CSRNP3: variants seen among roughly 807,000 people sequenced by gnomAD.
CSRNP3 encodes cysteine and serine rich nuclear protein 3, also known as cysteine/serine-rich nuclear protein 3.
Under a neutral mutation model 48.0 loss-of-function variants are expected in CSRNP3, and 12 were observed. The ratio of observed to expected loss-of-function variants is 0.25; its 90% CI spans 0.16 to 0.41. The LOEUF (loss-of-function observed/expected upper bound fraction) is 0.41. CSRNP3 is among the 10% of genes least tolerant of loss of function. CSRNP3 has a pLI of 1.00. For missense variants in CSRNP3, 580 were observed against 724.4 expected (o/e 0.80, Z 2.29); for synonymous variants, 263 against 269.7 (o/e 0.98, Z 0.24).
intron 4 of CSRNP3, among the ~76,000 whole-genome samples, chr2:165,655,988 A>G (rs73031635): frequency 0.039 from 5,909 of 152,310 alleles, 336 homozygotes; most frequent in African/African-American, 0.12. Flanking sequence ...GGACTTTAGC[A>G]TATTTGGTGG....
intron 3 of CSRNP3, among the ~76,000 whole-genome samples, chr2:165,560,250 G>T (rs1248313462): frequency 1.3e-5 from 2 of 152,112 alleles, no homozygotes; most frequent in African/African-American, 4.8e-5. Context: ...TCCTAAAAAT[G>T]TTTATTGAAT....
At chr2:165,578,595 G>A (rs1685490723) in intron 3 of CSRNP3, among the ~76,000 whole-genome samples, 1 of 151,906 alleles carries the variant, frequency 6.6e-6, no homozygotes, top group Non-Finnish European at 1.5e-5. Flanking sequence ...TATCATTCTG[G>A]TCCTCTTTTG....
intron 3 of CSRNP3, among the ~76,000 whole-genome samples, chr2:165,520,817 A>ATATATG: frequency 1.9e-5 from 1 of 52,206 alleles, no homozygotes; most frequent in Admixed American, 2.3e-4. Flanking sequence ...ATATATATAT[A>ATATATG]TATATATATA....
intron 3 of CSRNP3, among the ~76,000 whole-genome samples, chr2:165,534,049 G>C (rs1684850773): frequency 6.6e-6 from 1 of 151,858 alleles, no homozygotes; most frequent in Non-Finnish European, 1.5e-5. Context: ...AGTAAAGAAA[G>C]AAAATAAGGT....
In CSRNP3 at chr2:165,627,387, C is replaced by G. The variant is rs146688691; in HGVS notation, c.149-30374C>G. Among the ~76,000 whole-genome samples, 123 of 152,264 alleles carry G rather than the reference C, an allele frequency of 8.1e-4. 1 individual carries two copies. The highest frequency in any genetic ancestry group is 2.9e-3 in the African/African-American group (120 of 41,562). On this transcript the variant is annotated intron_variant, in intron 4 of 6. Transcript: ENST00000651982. ...TCCTTTGCTATCTCCCCTGGAAGCT[C>G]TTTTGCACTGACTGCTCTTTCTATT... is the stretch of plus-strand genomic sequence containing the variant.
chr2:165,502,686 T>C (rs1684373269), intron 2 of CSRNP3, among the ~76,000 whole-genome samples: 1 of 152,020 alleles, frequency 6.6e-6, no homozygotes, highest in African/African-American at 2.4e-5. Context: ...ATTTTCTCTC[T>C]GTCTGTCTTC....
intron 3 of CSRNP3, among the ~76,000 whole-genome samples, chr2:165,583,995 C>T (rs758743453): frequency 2.6e-5 from 4 of 152,070 alleles, no homozygotes; most frequent in South Asian, 2.1e-4. Context: ...AGAGGAGGAA[C>T]GCGTCCACCT....
At chr2:165,576,119 A>G (rs1268882294) in intron 3 of CSRNP3, among the ~76,000 whole-genome samples, 1 of 150,436 alleles carries the variant, frequency 6.6e-6, no homozygotes, top group African/African-American at 2.4e-5. Context: ...ATTGTTTTAT[A>G]TATGCATAAA....
chr2:165,573,212 A>G (rs1051447476), intron 3 of CSRNP3, among the ~76,000 whole-genome samples: 44 of 152,246 alleles, frequency 2.9e-4, no homozygotes, highest in African/African-American at 1.0e-3. Flanking sequence ...CATGAAAAAG[A>G]TTATTGCACA....
intron 4 of CSRNP3, among the ~76,000 whole-genome samples, chr2:165,621,466 A>G (rs1686338639): frequency 6.6e-6 from 1 of 152,128 alleles, no homozygotes; most frequent in African/African-American, 2.4e-5. Context: ...AGTTTTACCG[A>G]TGAGAAAAGG....
At chr2:165,580,159 A>T (rs1468775126) in intron 3 of CSRNP3, among the ~76,000 whole-genome samples, 1 of 151,812 alleles carries the variant, frequency 6.6e-6, no homozygotes, top group Non-Finnish European at 1.5e-5. Flanking sequence ...CGATCTCCTG[A>T]CCTCGTGATC....
At chr2:165,522,936 C>G (rs923511998) in intron 3 of CSRNP3, among the ~76,000 whole-genome samples, 4 of 152,030 alleles carry the variant, frequency 2.6e-5, no homozygotes, top group Non-Finnish European at 4.4e-5. Context: ...CTGAGGTAGC[C>G]CCTCAATAGC....
At chr2:165,523,996 C>T (rs1684697821) in intron 3 of CSRNP3, among the ~76,000 whole-genome samples, 1 of 152,156 alleles carries the variant, frequency 6.6e-6, no homozygotes, top group Non-Finnish European at 1.5e-5. Flanking sequence ...TACAGAATTA[C>T]AAGTTATGCG....
intron 3 of CSRNP3, among the ~76,000 whole-genome samples, chr2:165,576,434 ACTG>A (rs1486801484): frequency 2.0e-5 from 3 of 152,044 alleles, no homozygotes; most frequent in Non-Finnish European, 4.4e-5. Context: ...TGTAAATGCA[ACTG>A]CTACCACAGA....
chr2:165,651,186 T>C (rs1411677419), intron 4 of CSRNP3, among the ~76,000 whole-genome samples: 3 of 152,196 alleles, frequency 2.0e-5, no homozygotes, highest in Non-Finnish European at 4.4e-5. Context: ...ATGGCCAAAC[T>C]CAAGTGGAAT....
chr2:165,619,488 C>T (rs1169692704), intron 4 of CSRNP3, among the ~76,000 whole-genome samples: 1 of 152,084 alleles, frequency 6.6e-6, no homozygotes, highest in African/African-American at 2.4e-5. Context: ...TTTTTTCATG[C>T]CCTATCGTAC....
chr2:165,672,333 G>A (rs1267064260), intron 5 of CSRNP3, among the ~76,000 whole-genome samples: 1 of 152,182 alleles, frequency 6.6e-6, no homozygotes, highest in African/African-American at 2.4e-5. Flanking sequence ...AAGAAAAAGA[G>A]GTTTAATGGA....
intron 3 of CSRNP3, chr2:165,574,291 G>A: frequency 7.9e-7 from 1 of 1,264,636 alleles, no homozygotes; most frequent in Middle Eastern, 1.9e-4. Flanking sequence ...AGGGCTGGTG[G>A]AAAGCTGGAT....
chr2:165,575,057 T>C (rs1336321742), intron 3 of CSRNP3, among the ~76,000 whole-genome samples: 3 of 152,186 alleles, frequency 2.0e-5, no homozygotes, highest in African/African-American at 7.2e-5. Flanking sequence ...TTTTGGATAA[T>C]GCTATTTGAA....
Sources: gnomAD v4.1 joint callset for allele counts (sites outside exome capture counted in the v4.1 genomes callset) on GRCh38, gnomAD v4.1.1 for gene constraint, MANE v1.5 for transcripts, NCBI Gene and HGNC (gene_info 2026-07-23, HGNC 2026-07-21) for gene names.